The following SDK1 variants were observed in gnomAD, a reference collection of about 807,000 sequenced individuals.
The protein encoded by SDK1 is sidekick cell adhesion molecule 1.
SDK1 carries 157 observed loss-of-function variants against 245.5 expected under a neutral mutation model. The observed-to-expected ratio is 0.64, with a 90% CI of 0.56 to 0.73. The LOEUF (loss-of-function observed/expected upper bound fraction) is 0.73. Ranked by LOEUF, SDK1 falls within the 30% of genes least tolerant of loss-of-function variation. The pLI is 0.00. For synonymous variants in SDK1, 1,647 were observed against 1,278.5 expected (o/e 1.29, Z -6.15); for missense variants, 3,583 against 3,002.3 (o/e 1.19, Z -4.52).
chr7:3,321,813 CT>C (rs2128547561), intron 1 of SDK1, among the ~76,000 whole-genome samples: 5 of 127,828 alleles, frequency 3.9e-5, no homozygotes, highest in African/African-American at 9.5e-5. Context: ...TCCTTCCTTC[CT>C]TCCTTCCTTC....
chr7:3,690,806 T>C (rs1338091112), intron 4 of SDK1, among the ~76,000 whole-genome samples: 4 of 152,240 alleles, frequency 2.6e-5, no homozygotes, highest in Non-Finnish European at 5.9e-5. Context: ...ATGACTTGTC[T>C]TTAGACATCC....
chr7:3,864,038 A>C (rs901829789), intron 5 of SDK1, among the ~76,000 whole-genome samples: 2 of 152,212 alleles, frequency 1.3e-5, no homozygotes, highest in African/African-American at 2.4e-5. Flanking sequence ...CAGTGGTCAC[A>C]TTCCCATCCA....
intron 1 of SDK1, among the ~76,000 whole-genome samples, chr7:3,438,664 C>A (rs1780100318): frequency 6.6e-6 from 1 of 151,782 alleles, no homozygotes; most frequent in South Asian, 2.1e-4. Flanking sequence ...TGGTGTGGGA[C>A]CTCTCATCTC....
intron 17 of SDK1, among the ~76,000 whole-genome samples, chr7:4,034,256 A>G (rs868688739): frequency 6.6e-6 from 1 of 152,224 alleles, no homozygotes; most frequent in African/African-American, 2.4e-5. Flanking sequence ...CGAAAGAGAC[A>G]TGATTCCTAA....
intron 44 of SDK1, among the ~76,000 whole-genome samples, chr7:4,254,499 T>A (rs561868436): frequency 6.6e-6 from 1 of 152,216 alleles, no homozygotes; most frequent in Non-Finnish European, 1.5e-5. Context: ...TTATTGATAT[T>A]CTTCAATTGT....
At chr7:4,201,091 C>A (rs1584430911) in intron 35 of SDK1, among the ~76,000 whole-genome samples, 1 of 152,364 alleles carries the variant, frequency 6.6e-6, no homozygotes, top group East Asian at 1.9e-4. Context: ...GGGCTATGCA[C>A]TTGCCCAGAC....
chr7:3,761,260 C>CTTTTTTTTTTTT (rs71029692), intron 4 of SDK1, among the ~76,000 whole-genome samples: 3 of 93,762 alleles, frequency 3.2e-5, no homozygotes, highest in Non-Finnish European at 6.1e-5. Flanking sequence ...GCCCCCCCTC[C>CTTTTTTTTTTTT]TTTTTTTTTT....
intron 4 of SDK1, among the ~76,000 whole-genome samples, chr7:3,757,672 C>T (rs1779972105): frequency 6.6e-6 from 1 of 152,178 alleles, no homozygotes; most frequent in Non-Finnish European, 1.5e-5. Flanking sequence ...CAAGGTGCCC[C>T]GTCCTCCCAG....
chr7:3,462,481 T>C (rs1780863733), intron 1 of SDK1, among the ~76,000 whole-genome samples: 1 of 152,194 alleles, frequency 6.6e-6, no homozygotes, highest in Non-Finnish European at 1.5e-5. Context: ...ATAGTTTGAA[T>C]TGTCCTTTTA....
At chr7:4,030,618 G>C (rs1787734664) in intron 17 of SDK1, among the ~76,000 whole-genome samples, 1 of 152,166 alleles carries the variant, frequency 6.6e-6, no homozygotes, top group African/African-American at 2.4e-5. Context: ...TACGCGCCTT[G>C]GTGCTATGAA....
At chr7:3,421,771 G>A (rs1345957746) in intron 1 of SDK1, among the ~76,000 whole-genome samples, 2 of 152,256 alleles carry the variant, frequency 1.3e-5, no homozygotes, top group East Asian at 3.9e-4. Context: ...ATTTAGAGAT[G>A]ACATTTAGAG....
chr7:3,344,598 C>G lies in SDK1; in HGVS notation c.298+42714C>G, dbSNP rs191735239. Among the ~76,000 whole-genome samples the G allele has an allele frequency of 4.8e-4, 73 of 152,188 alleles. 1 individual carries two copies. The highest frequency in any genetic ancestry group is 1.7e-3 in the African/African-American group (71 of 41,518). ...CTTGTTATCATAAATAGAAGATACC[C>G]CAAAATTTGCAACAAATGTTAAAAC... On this transcript the variant is annotated intron_variant, in intron 1 of 44. Transcript: ENST00000404826.
At chr7:4,150,902 T>C (rs1780333971) in intron 30 of SDK1, among the ~76,000 whole-genome samples, 1 of 152,256 alleles carries the variant, frequency 6.6e-6, no homozygotes, top group Non-Finnish European at 1.5e-5. Context: ...GGCGTCTCAG[T>C]ACAGAGCTGT....
chr7:4,220,381 A>C, intron 39 of SDK1, 111 bp downstream of exon 39: 1 of 1,200,878 alleles, frequency 8.3e-7, no homozygotes, highest in Non-Finnish European at 1.2e-6. Flanking sequence ...GTTGGCGGCC[A>C]AGAGCTGGCA....
intron 5 of SDK1, among the ~76,000 whole-genome samples, chr7:3,826,365 A>G (rs1779774953): frequency 1.3e-5 from 2 of 152,130 alleles, no homozygotes; most frequent in South Asian, 2.1e-4. Flanking sequence ...GGAAATCCAT[A>G]TTTTACTTGA....
chr7:3,580,330 G>C (rs1175473280), intron 1 of SDK1, among the ~76,000 whole-genome samples: 2 of 152,158 alleles, frequency 1.3e-5, no homozygotes, highest in African/African-American at 4.8e-5. Flanking sequence ...AGCCTGAATA[G>C]CCAAGGCAAT....
rs1337555614 is a variant in SDK1 at position 3,987,172 on chromosome 7, C to A, written c.1995-14C>A. ...TGTTTTCCTCTTTTTCCTTTTCATC[C>A]CATTCAATTCAAGTGAACTGCCTCA... is the stretch of plus-strand genomic sequence containing the variant. On this transcript the variant is annotated splice_polypyrimidine_tract_variant and intron_variant, in intron 13 of 44. Transcript: ENST00000404826. The A allele has an allele frequency of 9.9e-6, 16 of 1,613,074 alleles. No homozygotes were observed. The East Asian group carries it at 2.7e-4, about 27-fold the overall frequency.
chr7:3,862,813 A>G (rs906525175), intron 5 of SDK1, among the ~76,000 whole-genome samples: 1 of 152,204 alleles, frequency 6.6e-6, no homozygotes, highest in African/African-American at 2.4e-5. Context: ...TGGAAGACAT[A>G]AAACATTTTT....
At chr7:4,037,696 T>G (rs879507672) in intron 17 of SDK1, among the ~76,000 whole-genome samples, 3 of 152,132 alleles carry the variant, frequency 2.0e-5, no homozygotes, top group Admixed American at 2.0e-4. Context: ...AAAAAGCAAG[T>G]GGGACCATAG....
Sources: allele counts gnomAD v4.1 joint callset (sites outside exome capture counted in the v4.1 genomes callset), GRCh38; gene constraint gnomAD v4.1.1; transcripts MANE v1.5; gene names NCBI Gene and HGNC (gene_info 2026-07-23, HGNC 2026-07-21).